The following MED14 variants were observed in gnomAD, a reference collection of about 807,000 sequenced individuals.
MED14 encodes the protein mediator complex subunit 14.
A neutral mutation model predicts 109.0 loss-of-function variants in MED14; 8 were observed. The ratio of observed to expected loss-of-function variants is 0.07; its 90% confidence interval spans 0.04 to 0.13. MED14 has a LOEUF of 0.13. Among genes scored for constraint, MED14 ranks in the 10% least tolerant of loss-of-function variants. The pLI is 1.00. For missense variants in MED14, 711 were observed against 1,142.4 expected (o/e 0.62, Z 5.44); for synonymous variants, 399 against 408.7 (o/e 0.98, Z 0.29).
intron 1 of MED14, among the ~76,000 whole-genome samples, chrX:40,732,232 T>G (rs1160828231): frequency 8.9e-6 from 1 of 112,486 alleles, no homozygotes; most frequent in Non-Finnish European, 1.9e-5. Flanking sequence ...TCAAGAAGGT[T>G]TGGAGGCTGG....
chrX:40,712,274 A>G lies in MED14; in HGVS notation c.801T>C (p.His267=). 8.3e-7 allele frequency: 1 copy of G among 1,206,694 alleles called. No homozygotes were observed. Among genetic ancestry groups the G allele is most frequent in the Non-Finnish European group, 1.1e-6 (1 of 892,789 alleles). Residue 267 remains histidine (H), a synonymous_variant, in exon 7 of 31, where the codon CAT becomes CAC. Coordinates refer to ENST00000324817, the MANE Select transcript of MED14 (RefSeq NM_004229.4). ...KETGDGRALV[H]SMQISFIHQL... is the part of the protein sequence containing the mutation. ...GATGGATGAAGCTGATTTGCATGCT[A>G]TGAACCAAAGCTCGCCCATCTTCCG...
At chrX:40,728,887 G>A (rs1025225910) in intron 2 of MED14, among the ~76,000 whole-genome samples, 1 of 109,617 alleles carries the variant, frequency 9.1e-6, no homozygotes, top group Admixed American at 9.7e-5. Flanking sequence ...GCGTGACCTC[G>A]GCTCACTGCA....
chrX:40,651,298 T>G lies in MED14; in HGVS notation c.*508A>C. The stretch of plus-strand genomic sequence containing the variant: ...TGTTTTGTTTTTGACCTAGTTTTAT[T>G]AAATATTGCTTCCTTGGGGTGTGTT... On this transcript the variant is annotated 3_prime_UTR_variant, in exon 31 of 31. Coordinates refer to ENST00000324817, the MANE Select transcript of MED14 (RefSeq NM_004229.4). 1.3e-6 allele frequency: 1 copy of G among 754,066 alleles called. No homozygotes were observed. The highest frequency in any genetic ancestry group is 1.6e-6 in the Non-Finnish European group (1 of 638,829). The allele number at this position is 754,066 out of a possible 1,213,427, so 62.1% of individuals were successfully genotyped here.
chrX:40,672,847 C>T (rs1359979986), intron 22 of MED14, among the ~76,000 whole-genome samples: 1 of 110,503 alleles, frequency 9.0e-6, no homozygotes, highest in Admixed American at 9.6e-5. Flanking sequence ...ATATATTTGC[C>T]CATACTGTTT....
intron 23 of MED14, among the ~76,000 whole-genome samples, 179 bp from the exon 24 acceptor site, chrX:40,667,030 G>A (rs917833721): frequency 8.1e-5 from 9 of 110,613 alleles, no homozygotes; most frequent in African/African-American, 2.3e-4. Context: ...AATTCCATGC[G>A]CCCAAATTCT....
intron 2 of MED14, among the ~76,000 whole-genome samples, chrX:40,727,831 G>A (rs113992370): frequency 0.013 from 1,405 of 110,982 alleles, 28 homozygotes; most frequent in African/African-American, 0.044. Flanking sequence ...CCACCATGAC[G>A]CAATGCACCA....
At chrX:40,695,501 A>G (rs898026383) in intron 13 of MED14, among the ~76,000 whole-genome samples, 1 of 112,249 alleles carries the variant, frequency 8.9e-6, no homozygotes, top group African/African-American at 3.2e-5. Context: ...GCCATATGAA[A>G]CAAATTATTG....
intron 25 of MED14, among the ~76,000 whole-genome samples, chrX:40,663,402 A>C (rs1929360060): frequency 1.3e-5 from 1 of 79,387 alleles, no homozygotes; most frequent in African/African-American, 4.8e-5. Flanking sequence ...GGTGGACTCT[A>C]TTTCTCCACC....
chrX:40,669,483 CA>C (rs1202726866), intron 23 of MED14, among the ~76,000 whole-genome samples: 1 of 111,609 alleles, frequency 9.0e-6, no homozygotes, highest in Admixed American at 9.5e-5. Context: ...TCTGATGAGC[CA>C]TAGGCTCATA....
chrX:40,713,568 GAA>G (rs1931407159), intron 5 of MED14, among the ~76,000 whole-genome samples: 1 of 111,720 alleles, frequency 9.0e-6, no homozygotes, highest in Non-Finnish European at 1.9e-5. Flanking sequence ...TCAGCCACCC[GAA>G]TAGCTGGGAT....
rs1928753436 is a variant in MED14, at chrX:40,648,802, G to C, written c.*3004C>G. On this transcript the variant is annotated 3_prime_UTR_variant, in exon 31 of 31. Coordinates refer to ENST00000324817, the MANE Select transcript of MED14 (RefSeq NM_004229.4). The stretch of plus-strand genomic sequence containing the variant: ...AGCATACCATGGAGTTCCTGGAGTT[G>C]TGCAGCACAGTGCTGGCTGGCCTCT... 8.9e-6 allele frequency: 1 copy of C among 112,170 alleles called. No homozygotes were observed. Among genetic ancestry groups the C allele is most frequent in the African/African-American group, 3.3e-5 (1 of 30,701 alleles). The allele number at this position is 112,170 out of a possible 1,213,427, so 9.2% of individuals were successfully genotyped here.
At chrX:40,723,619 C>T (rs5963188) in intron 3 of MED14, among the ~76,000 whole-genome samples, 33,788 of 90,762 alleles carry the variant, frequency 0.37, 7,646 homozygotes, top group African/African-American at 0.77. Flanking sequence ...TGGGCCAAGA[C>T]TGCGCCACTG....
chrX:40,685,094 T>C (rs1930248723), intron 16 of MED14, among the ~76,000 whole-genome samples: 2 of 112,164 alleles, frequency 1.8e-5, no homozygotes, highest in South Asian at 3.6e-4. Context: ...ACTATTATAG[T>C]ACCTAAAAAT....
intron 21 of MED14, 45 bp downstream of exon 21, chrX:40,679,819 G>A (rs1470127399): frequency 1.7e-6 from 2 of 1,154,398 alleles, no homozygotes; most frequent in African/African-American, 3.6e-5. Context: ...CTATTTTAGA[G>A]ATAATTTTTA....
At chrX:40,709,917 T>G (rs934702760) in intron 9 of MED14, 62 bp downstream of exon 9, 26 of 819,026 alleles carry the variant, frequency 3.2e-5, no homozygotes, top group Admixed American at 1.2e-4. Context: ...GCTAAGAGTT[T>G]AAGGATAAAT....
At chrX:40,703,650 A>C (rs1212565241) in intron 10 of MED14, 81 bp from the exon 11 acceptor site, 2 of 799,041 alleles carry the variant, frequency 2.5e-6, no homozygotes, top group East Asian at 3.7e-5. Flanking sequence ...GAGTACAAAC[A>C]AACCAACTAT....
intron 15 of MED14, among the ~76,000 whole-genome samples, chrX:40,691,477 A>T (rs749656741): frequency 9.0e-6 from 1 of 111,481 alleles, no homozygotes; most frequent in Non-Finnish European, 1.9e-5. Flanking sequence ...AAAAGAGACA[A>T]GGTCTTGCTA....
intron 1 of MED14, among the ~76,000 whole-genome samples, chrX:40,730,686 TTC>T (rs1377496251): frequency 2.0e-4 from 22 of 111,549 alleles, no homozygotes; most frequent in African/African-American, 6.8e-4. Context: ...CTATTTGAAA[TTC>T]TTTTATGGAT....
chrX:40,659,111 T>C, intron 28 of MED14, 116 bp downstream of exon 28: 1 of 392,308 alleles, frequency 2.5e-6, no homozygotes, highest in Non-Finnish European at 4.2e-6. Context: ...AAATTAAGAA[T>C]TTAAGAGAAA....
Sources: allele counts gnomAD v4.1 joint callset (sites outside exome capture counted in the v4.1 genomes callset), GRCh38; gene constraint gnomAD v4.1.1; transcripts MANE v1.5; gene names NCBI Gene and HGNC (gene_info 2026-07-23, HGNC 2026-07-21).